Variants in CLEC1B observed in about 807,000 individuals in gnomAD.
CLEC1B encodes the protein C-type lectin-like receptor 2.
In CLEC1B, 26 loss-of-function variants were observed where a neutral mutation model predicts 26.7. That is an observed-to-expected ratio of 0.97 (90% CI 0.71 to 1.35). The LOEUF is 1.35. Among genes scored for constraint, CLEC1B ranks in the 40% most tolerant of loss-of-function variants. CLEC1B has a pLI of 0.00. For synonymous variants in CLEC1B, 112 were observed against 96.0 expected, an observed-to-expected ratio of 1.17 and a Z score of -0.97; for missense variants, 293 against 282.6, an observed-to-expected ratio of 1.04 and a Z score of -0.26.
At chr12:9,996,647 C>T (rs1339749794) in intron 4 of CLEC1B, 199 bp downstream of exon 4, 1 of 689,840 alleles carries the variant, frequency 1.4e-6, no homozygotes, top group African/African-American at 1.8e-5. Flanking sequence ...TTTGACTGAT[C>T]AACTCTATCA....
At chr12:9,994,045 A>G (rs1864967264) in intron 5 of CLEC1B, among the ~76,000 whole-genome samples, 1 of 152,152 alleles carries the variant, frequency 6.6e-6, no homozygotes, top group African/African-American at 2.4e-5. Context: ...TAAGAGTTAC[A>G]AAGAAACAAA....
At chr12:10,000,032 G>T, upstream of CLEC1B, among the ~76,000 whole-genome samples, 1 of 152,196 alleles carries the variant, frequency 6.6e-6, no homozygotes, top group South Asian at 2.1e-4. Flanking sequence ...GCTAGCTGAT[G>T]CATTTATTAT....
upstream of CLEC1B, among the ~76,000 whole-genome samples, chr12:10,000,426 A>G (rs1016978504): frequency 6.6e-6 from 1 of 152,224 alleles, no homozygotes; most frequent in Non-Finnish European, 1.5e-5. Context: ...TAACACGTAT[A>G]AAAGACATTC....
intron 5 of CLEC1B, among the ~76,000 whole-genome samples, chr12:9,994,088 G>A (rs1185506771): frequency 6.6e-6 from 1 of 152,068 alleles, no homozygotes; most frequent in Non-Finnish European, 1.5e-5. Context: ...TGGGTTTAAG[G>A]GAGGCTAATT....
At chr12:9,994,266 G>C (rs570007103) in intron 5 of CLEC1B, among the ~76,000 whole-genome samples, 13 of 152,184 alleles carry the variant, frequency 8.5e-5, no homozygotes, top group Middle Eastern at 6.8e-3. Context: ...AGAATGTAAA[G>C]AACACTAAGT....
At chr12:9,995,430 CTT>C in intron 4 of CLEC1B, 184 bp from the exon 5 acceptor site, 4 of 584,956 alleles carry the variant, frequency 6.8e-6, no homozygotes, top group Non-Finnish European at 1.3e-5. Flanking sequence ...TTAAAAAAAA[CTT>C]ATAGGACACA....
In CLEC1B at chr12:9,997,252, C is replaced by T. The variant is rs583903; in HGVS notation, c.191G>A (p.Gly64Asp). Residue 64 changes from glycine (G) to aspartate (D), a missense_variant, in exon 3 of 6, where the codon GGT (glycine) becomes GAT (aspartate). Physicochemically the swap from Gly to Asp is moderately conservative, Grantham distance 94. Transcript: ENST00000298527. ...WSVMQRNYLQ[G>D]ENENRTGTLQ... is the part of the protein sequence containing the mutation. ...AGTTCCTGTGCGATTTTCATTCTCA[C>T]CTTGTAGGTAATTGCGCTGCATGAC... is the stretch of plus-strand genomic sequence containing the variant. 1,608,865 of 1,613,152 alleles carry T rather than the reference C, an allele frequency of 1. 802,387 individuals carry two copies. The highest frequency in any genetic ancestry group is 1 in the East Asian group (44,862 of 44,862).
At chr12:9,998,089 T>C (rs928401035) in intron 2 of CLEC1B, among the ~76,000 whole-genome samples, 193 bp downstream of exon 2, 8 of 152,200 alleles carry the variant, frequency 5.3e-5, no homozygotes, top group African/African-American at 1.9e-4. Context: ...AGTTAAAATC[T>C]TAAAATCTTA....
intron 5 of CLEC1B, 59 bp from the exon 6 acceptor site, chr12:9,993,346 G>T: frequency 5.1e-6 from 7 of 1,361,432 alleles, no homozygotes; most frequent in Non-Finnish European, 7.1e-6. Flanking sequence ...TCAGTAATCA[G>T]ACTCTGCGTA....
chr12:9,998,654 G>C (rs201328176), intron 1 of CLEC1B, among the ~76,000 whole-genome samples: 1 of 49,272 alleles, frequency 2.0e-5, no homozygotes, highest in African/African-American at 7.6e-5. Flanking sequence ...TTTTTGTTTT[G>C]TTTTGTTTTG....
intron 5 of CLEC1B, among the ~76,000 whole-genome samples, chr12:9,994,181 G>C (rs566505): frequency 0.55 from 82,927 of 151,820 alleles, 23,009 homozygotes; most frequent in South Asian, 0.72. Context: ...TCATGGAGTT[G>C]TGGAGGCAGA....
rs535930013 is a variant in CLEC1B, at chr12:9,993,257, A to G, written c.576T>C (p.Asn192=). ...MFEFLEDGKG[N]MNCAYFHNGK... is the part of the protein sequence containing the mutation. Reference sequence around the variant, plus strand: ...CATTATGAAAATAAGCACAATTCATATTTCCTTTTCCATCTTCCAAAAACT... The same window carrying G: ...CATTATGAAAATAAGCACAATTCATGTTTCCTTTTCCATCTTCCAAAAACT... The change falls in exon 6 of 6, where the codon AAT becomes AAC. Residue 192 remains asparagine (N), a synonymous_variant. Transcript: ENST00000298527. 6.2e-7 allele frequency: 1 copy of G among 1,612,920 alleles called. No individual in the cohort carries two copies. The highest frequency in any genetic ancestry group is 8.5e-7 in the Non-Finnish European group (1 of 1,179,102).
intron 5 of CLEC1B, 176 bp downstream of exon 5, chr12:9,994,964 T>C: frequency 6.7e-7 from 1 of 1,483,984 alleles, no homozygotes; most frequent in Non-Finnish European, 9.0e-7. Context: ...AGCAAAGTAA[T>C]GGGAGAGAGG....
chr12:9,997,259 G>A lies in CLEC1B; in HGVS notation c.184C>T (p.Leu62=), dbSNP rs763278564. The A allele has an allele frequency of 1.2e-6, 2 of 1,612,368 alleles. No individual in the cohort carries two copies. The highest frequency in any genetic ancestry group is 8.5e-7 in the Non-Finnish European group (1 of 1,178,730). Residue 62 remains leucine, a synonymous_variant, in exon 3 of 6, where the codon CTA becomes TTA. Transcript: ENST00000298527. ...GIWSVMQRNY[L]QGENENRTGT... ...GTGCGATTTTCATTCTCACCTTGTA[G>A]GTAATTGCGCTGCATGACAGCTAGG...
intron 5 of CLEC1B, among the ~76,000 whole-genome samples, chr12:9,994,554 A>G (rs1864984166): frequency 6.6e-6 from 1 of 152,080 alleles, no homozygotes; most frequent in Admixed American, 6.6e-5. Flanking sequence ...GCCATATAGG[A>G]AGCAACTCCA....
In CLEC1B at chr12:9,996,141, T is replaced by C. The variant is rs550055480; in HGVS notation, c.438+705A>G. ...TCAAAATGGCATTCCACAGGAGATA[T>C]TGTGTGAAAGTCACATGTGACTGTT... On this transcript the variant is annotated intron_variant, in intron 4 of 5. Coordinates refer to ENST00000298527, the MANE Select transcript of CLEC1B (RefSeq NM_016509.4). Among the ~76,000 whole-genome samples, 7 of 152,284 alleles carry C rather than the reference T, an allele frequency of 4.6e-5. No homozygotes were observed. The South Asian group carries it at 6.2e-4, about 14-fold the overall frequency.
chr12:9,993,406 C>A (rs76006079), intron 5 of CLEC1B, 119 bp from the exon 6 acceptor site: 1,041 of 509,008 alleles, frequency 2.0e-3, no homozygotes, highest in Non-Finnish European at 2.3e-3. Context: ...GAAAAAAAAA[C>A]AAAAAAAAAA....
upstream of CLEC1B, among the ~76,000 whole-genome samples, chr12:10,001,213 A>T (rs2137251026): frequency 6.6e-6 from 1 of 152,320 alleles, no homozygotes; most frequent in African/African-American, 2.4e-5. Flanking sequence ...ATTCTCTAGG[A>T]CTTGAGCAGC....
At chr12:9,994,977 A>T in intron 5 of CLEC1B, 163 bp downstream of exon 5, 1 of 1,513,898 alleles carries the variant, frequency 6.6e-7, no homozygotes, top group Non-Finnish European at 8.9e-7. Flanking sequence ...GAGAGAGGGG[A>T]AAGAATTGTC....
Sources: gnomAD v4.1 joint callset for allele counts (sites outside exome capture counted in the v4.1 genomes callset) on GRCh38, gnomAD v4.1.1 for gene constraint, MANE v1.5 for transcripts, NCBI Gene and HGNC (gene_info 2026-07-23, HGNC 2026-07-21) for gene names.